Variants in APOBEC3B observed in about 807,000 individuals in gnomAD.
The protein encoded by APOBEC3B is DNA dC->dU-editing enzyme APOBEC-3B.
A neutral mutation model predicts 53.4 loss-of-function variants in APOBEC3B; 29 were observed. The ratio of observed to expected loss-of-function variants is 0.54; its 90% confidence interval spans 0.40 to 0.74. The LOEUF is 0.74. Ranked by LOEUF, APOBEC3B falls within the 30% of genes least tolerant of loss-of-function variation. APOBEC3B has a pLI of 0.00. For missense variants in APOBEC3B, 347 were observed against 496.2 expected (o/e 0.70, Z 2.86); for synonymous variants, 132 against 184.8 (o/e 0.71, Z 2.32).
chr22:38,991,831 A>C lies in APOBEC3B; in HGVS notation c.1019-203A>C, dbSNP rs529715246. 7.9e-4 allele frequency among the ~76,000 whole-genome samples: 117 copies of C among 147,920 alleles called. 8 individuals carry two copies. The highest frequency in any genetic ancestry group is 2.5e-3 in the African/African-American group (101 of 40,974). ...CTGGAAGTGGAAGCAGAACTTGGGGATTTCCGAAAGAAAGAGAACTGGGCT... is the reference window on the plus strand; with the variant it reads ...CTGGAAGTGGAAGCAGAACTTGGGGCTTTCCGAAAGAAAGAGAACTGGGCT... On this transcript the variant is annotated intron_variant, in intron 6 of 7. Coordinates refer to ENST00000333467, the MANE Select transcript of APOBEC3B (RefSeq NM_004900.5).
chr22:38,990,496 T>G (rs1470426608), intron 5 of APOBEC3B, among the ~76,000 whole-genome samples: 1 of 147,908 alleles, frequency 6.8e-6, no homozygotes, highest in Non-Finnish European at 1.5e-5. Context: ...CTAGTCTTAG[T>G]GGAAAATCCT....
chr22:38,984,254 A>G, intron 2 of APOBEC3B, 23 bp downstream of exon 2: 1 of 1,586,796 alleles, frequency 6.3e-7, no homozygotes, highest in Non-Finnish European at 8.5e-7. Flanking sequence ...CTTCAATCGA[A>G]TCACAGGCAG....
In APOBEC3B at chr22:38,991,574, G is replaced by A. The variant is rs199755827; in HGVS notation, c.966G>A (p.Ala322=). The change falls in exon 6 of 8, where the codon GCG becomes GCA. Residue 322 remains alanine (A), a synonymous_variant. Transcript: ENST00000333467. ...ATTACGACCCCCTATATAAGGAGGC[G>A]CTGCAAATGCTGCGGGATGCTGGGG... ...IYDYDPLYKE[A]LQMLRDAGAQ... The A allele has an allele frequency of 1.4e-4, 225 of 1,591,558 alleles. 15 individuals are homozygous for A. Among genetic ancestry groups the A allele is most frequent in the African/African-American group, 6.9e-4 (51 of 74,152 alleles).
rs150717244 is a variant in APOBEC3B, at chr22:38,986,343, A to C, written c.500A>C (p.Gln167Pro). 851 of 1,593,914 alleles carry C rather than the reference A, an allele frequency of 5.3e-4. 53 individuals carry two copies. In the African/African-American group the frequency reaches 9.4e-3, roughly 18 times the overall value. The part of the protein sequence containing the change: ...WENFVYNEGQ[Q>P]FMPWYKFDEN... Reference sequence around the variant, plus strand: ...AACTTTGTGTACAATGAAGGTCAGCAATTCATGCCTTGGTACAAATTCGAT... The same window carrying C: ...AACTTTGTGTACAATGAAGGTCAGCCATTCATGCCTTGGTACAAATTCGAT... Residue 167 changes from glutamine to proline, a missense_variant, in exon 4 of 8, where the codon CAA (glutamine) becomes CCA (proline). Gln to Pro is a moderately conservative substitution (Grantham distance 76). This residue lies in a region of APOBEC3B where 156 missense variants were observed against 166.7 expected (regional missense o/e 0.94). Transcript: ENST00000333467.
chr22:38,991,969 T>C, intron 6 of APOBEC3B, 65 bp from the exon 7 acceptor site: 2 of 1,486,882 alleles, frequency 1.3e-6, no homozygotes, highest in Non-Finnish European at 1.8e-6. Flanking sequence ...CTGAGAGTCA[T>C]GGGCCCTTGG....
chr22:38,982,377 C>G lies in APOBEC3B; in HGVS notation c.-77C>G, dbSNP rs938761058. On this transcript the variant is annotated 5_prime_UTR_variant, in exon 1 of 8. Coordinates refer to ENST00000333467, the MANE Select transcript of APOBEC3B (RefSeq NM_004900.5). ...AAGGAGGGCTGTCCAACTGCAAGGACGCTGTAAGCAGGAAGTGAAACCACA... is the reference window on the plus strand; with the variant it reads ...AAGGAGGGCTGTCCAACTGCAAGGAGGCTGTAAGCAGGAAGTGAAACCACA... The G allele has an allele frequency of 1.3e-6, 2 of 1,567,220 alleles. No homozygotes were observed. Among genetic ancestry groups the G allele is most frequent in the African/African-American group, 1.4e-5 (1 of 73,836 alleles).
intron 3 of APOBEC3B, 88 bp downstream of exon 3, chr22:38,986,179 C>T: frequency 1.9e-6 from 3 of 1,575,326 alleles, no homozygotes; most frequent in Admixed American, 1.8e-5. Context: ...GGGGGTGTCC[C>T]AGGGCAGCCT....
chr22:38,992,102 G>C lies in APOBEC3B; in HGVS notation c.1087G>C (p.Glu363Gln), dbSNP rs1354626047. The change falls in exon 7 of 8, where the codon GAG becomes CAG. Residue 363 changes from glutamate (E) to glutamine (Q), a missense_variant. Physicochemically the swap from Glu to Gln is conservative, Grantham distance 29. This residue lies in a region of APOBEC3B where 78 missense variants were observed against 103.9 expected (regional missense o/e 0.75). Coordinates refer to ENST00000333467, the MANE Select transcript of APOBEC3B (RefSeq NM_004900.5). ...TCCCTTCCAGCCCTGGGATGGACTA[G>C]AGGAGCACAGCCAAGCCCTGAGTGG... ...GCPFQPWDGL[E>Q]EHSQALSGRL... is the part of the protein sequence containing the mutation. 4 of 1,592,896 alleles carry C rather than the reference G, an allele frequency of 2.5e-6. No homozygotes were observed. The African/African-American group carries it at 4.0e-5, about 16-fold the overall frequency.
Position 38,986,019 on chromosome 22 carries a change from G to A in APOBEC3B, c.382G>A (p.Glu128Lys), listed in dbSNP as rs1923722177. 6 of 1,593,764 alleles carry A rather than the reference G, an allele frequency of 3.8e-6. 1 individual carries two copies. The Admixed American group carries it at 1.1e-4, about 28-fold the overall frequency. Residue 128 changes from glutamate to lysine, a missense_variant, in exon 3 of 8, where the codon GAA becomes AAA. Around this residue, in one of 5 missense-constraint regions of APOBEC3B, gnomAD observed 156 missense variants for 166.7 expected, o/e 0.94. Transcript: ENST00000333467. ...ISAARLYYYW[E>K]RDYRRALCRL... ...TGCCGCCCGCCTCTACTACTACTGG[G>A]AAAGAGATTACCGAAGGGCGCTCTG... is the stretch of plus-strand genomic sequence containing the variant.
At position 38,986,409 on chromosome 22, in the gene APOBEC3B, T is replaced by C. The variant is rs146055882; in HGVS notation, c.566T>C (p.Leu189Pro). Residue 189 changes from leucine to proline, a missense_variant, in exon 4 of 8, where the codon CTC becomes CCC. Leu to Pro is a moderately conservative substitution (Grantham distance 98, BLOSUM62 -3). Transcript: ENST00000333467. ...CTGCACCGCACGCTAAAGGAGATTC[T>C]CAGGTGAGGGTCTCCCTCTGGCCTC... ...AFLHRTLKEILRYLMDPDTFT... is the reference protein window; with the variant it reads ...AFLHRTLKEIPRYLMDPDTFT... 10,779 of 1,592,730 alleles carry C rather than the reference T, an allele frequency of 6.8e-3. 1,129 individuals are homozygous for C. In the African/African-American group the frequency reaches 0.13, roughly 19 times the overall value.
intron 2 of APOBEC3B, among the ~76,000 whole-genome samples, chr22:38,984,549 GACA>G (rs1923658053): frequency 6.7e-6 from 1 of 148,868 alleles, no homozygotes; most frequent in Admixed American, 6.9e-5. Flanking sequence ...GCTAAATACA[GACA>G]TTTGTAAAAT....
At position 38,992,764 on chromosome 22, in the gene APOBEC3B, G is replaced by C. The variant is rs548087996; in HGVS notation, c.*319G>C. The C allele has an allele frequency of 1.5e-6, 1 of 674,748 alleles. No homozygotes were observed. Among genetic ancestry groups the C allele is most frequent in the African/African-American group, 1.8e-5 (1 of 55,108 alleles). 41.8% of individuals were successfully genotyped at this position (674,748 alleles called of 1,614,324 possible). A position where few individuals can be genotyped will look rare whatever the true frequency, so the allele number is the denominator to read the frequency against. ...AAAACATTAAGAATCTTCCATAATT[G>C]TTTCCACAAACACTAGCAAATGTGT... On this transcript the variant is annotated 3_prime_UTR_variant, in exon 8 of 8. Transcript: ENST00000333467.
chr22:38,987,657 A>G (rs1923795758), intron 4 of APOBEC3B, among the ~76,000 whole-genome samples: 1 of 148,602 alleles, frequency 6.7e-6, no homozygotes, highest in African/African-American at 2.4e-5. Flanking sequence ...CCAGAAAATA[A>G]GTCATTTCTT....
In APOBEC3B at chr22:38,986,062, G is replaced by A; in HGVS notation, c.425G>A (p.Gly142Glu). Residue 142 changes from glycine to glutamate, a missense_variant, in exon 3 of 8, where the codon GGA becomes GAA. By Grantham distance (98) the Gly-to-Glu change is moderately conservative. Around this residue, in one of 5 missense-constraint regions of APOBEC3B, gnomAD observed 156 missense variants for 166.7 expected, o/e 0.94. Coordinates refer to ENST00000333467, the MANE Select transcript of APOBEC3B (RefSeq NM_004900.5). ...GCGCTCTGCAGGCTGAGTCAGGCAG[G>A]AGCCCGCGTGACGATCATGGACTAT... ...RRALCRLSQA[G>E]ARVTIMDYEE... 3 of 1,592,540 alleles carry A rather than the reference G, an allele frequency of 1.9e-6. 1 individual carries two copies. The highest frequency in any genetic ancestry group is 2.6e-6 in the Non-Finnish European group (3 of 1,172,568).
chr22:38,986,503 C>T (rs558381594), intron 4 of APOBEC3B, 91 bp downstream of exon 4: 1 of 1,408,034 alleles, frequency 7.1e-7, no homozygotes, highest in African/African-American at 1.4e-5. Flanking sequence ...CGCCCTCCCT[C>T]TTGACCCACT....
rs571492510 is a variant in APOBEC3B at position 38,990,481 on chromosome 22, G to A, written c.724-851G>A. Among the ~76,000 whole-genome samples, 5 of 147,562 alleles carry A rather than the reference G, an allele frequency of 3.4e-5. 1 individual carries two copies. Among genetic ancestry groups the A allele is most frequent in the Admixed American group, 1.4e-4 (2 of 14,342 alleles). The stretch of plus-strand genomic sequence containing the variant: ...CTGCCCTGCTGTCCCCAACTTGACC[G>A]ATTCCTAGTCTTAGTGGAAAATCCT... On this transcript the variant is annotated intron_variant, in intron 5 of 7. Coordinates refer to ENST00000333467, the MANE Select transcript of APOBEC3B (RefSeq NM_004900.5).
At position 38,991,532 on chromosome 22, in the gene APOBEC3B, C is replaced by A; in HGVS notation, c.924C>A (p.Phe308Leu). The A allele has an allele frequency of 6.3e-7, 1 of 1,593,896 alleles. No individual in the cohort carries two copies. Among genetic ancestry groups the A allele is most frequent in the Non-Finnish European group, 8.5e-7 (1 of 1,172,738 alleles). Residue 308 changes from phenylalanine to leucine, a missense_variant, in exon 6 of 8, where the codon TTC (phenylalanine) becomes TTA (leucine). This residue lies in a region of APOBEC3B where 78 missense variants were observed against 103.9 expected (regional missense o/e 0.75). Coordinates refer to ENST00000333467, the MANE Select transcript of APOBEC3B (RefSeq NM_004900.5). ...QENTHVRLRIFAARIYDYDPL... is the reference protein window; with the variant it reads ...QENTHVRLRILAARIYDYDPL... ...ACACACACGTGAGACTGCGCATCTT[C>A]GCTGCCCGCATCTATGATTACGACC...
rs1185637264 is a variant in APOBEC3B, at chr22:38,982,501, C to T, written c.17+31C>T. ...GCTGCCCACTCTGCCTGCTGGGCCC[C>T]TCCTGCCCCTTCCTGCCTGGTGGTC... On this transcript the variant is annotated intron_variant, in intron 1 of 7. Transcript: ENST00000333467. The T allele has an allele frequency of 1.3e-6, 2 of 1,592,520 alleles. 1 individual carries two copies. The highest frequency in any genetic ancestry group is 1.7e-6 in the Non-Finnish European group (2 of 1,171,986).
chr22:38,984,609 T>C (rs1209085777), intron 2 of APOBEC3B, among the ~76,000 whole-genome samples: 1 of 148,378 alleles, frequency 6.7e-6, no homozygotes, highest in Non-Finnish European at 1.5e-5. Context: ...GGAATTTGTC[T>C]TTTTTTTAAA....
Sources: allele counts gnomAD v4.1 joint callset (sites outside exome capture counted in the v4.1 genomes callset), GRCh38; gene constraint gnomAD v4.1.1; regional missense constraint gnomAD v4.1.1; transcripts MANE v1.5; gene names NCBI Gene and HGNC (gene_info 2026-07-23, HGNC 2026-07-21).